Variants in ARHGAP32 observed in about 807,000 individuals in gnomAD.
The protein encoded by ARHGAP32 is rho GTPase-activating protein 32.
A neutral mutation model predicts 186.5 loss-of-function variants in ARHGAP32; 51 were observed. That is an observed-to-expected ratio of 0.27 (90% CI 0.22 to 0.35). The LOEUF is 0.35. ARHGAP32 is among the 10% of genes least tolerant of loss of function. The pLI, the probability that ARHGAP32 is intolerant of heterozygous loss-of-function variation, is 1.00. For synonymous variants in ARHGAP32, 950 were observed against 964.3 expected (o/e 0.99, Z 0.27); for missense variants, 2,186 against 2,623.5 (o/e 0.83, Z 3.64).
Position 129,123,740 on chromosome 11 carries a change from T to TA in ARHGAP32, c.359+147dup, listed in dbSNP as rs1204484489. The TA allele has an allele frequency of 1.2e-5, 9 of 747,818 alleles. No individual in the cohort carries two copies. The highest frequency in any genetic ancestry group is 1.1e-4 in the African/African-American group (6 of 55,940). The allele number at this position is 747,818 out of a possible 1,614,324, so 46.3% of individuals were successfully genotyped here. A position where few individuals can be genotyped will look rare whatever the true frequency, so the allele number is the denominator to read the frequency against. On this transcript the variant is annotated intron_variant, in intron 4 of 22. Transcript: ENST00000682385. This position sits in a 1 kb window ranked among gnomAD's most constrained non-coding sequence, Gnocchi z 4.6. ...TTAGTGTACAGATCAAAACCCAAAA[T>TA]AAAAAAAGCATCACCGTTATCTCCT... is the stretch of plus-strand genomic sequence containing the variant.
intron 1 of ARHGAP32, among the ~76,000 whole-genome samples, chr11:129,263,254 G>A (rs1344508786): frequency 6.6e-6 from 1 of 152,094 alleles, no homozygotes; most frequent in Non-Finnish European, 1.5e-5. Context: ...ATATTAAAAT[G>A]TTTGTATATC....
At chr11:129,216,317 T>C (rs968871569) in intron 1 of ARHGAP32, among the ~76,000 whole-genome samples, 2 of 152,100 alleles carry the variant, frequency 1.3e-5, no homozygotes, top group African/African-American at 4.8e-5. Flanking sequence ...CTTTGAAAAA[T>C]ATATTTTGAT....
At chr11:129,248,708 C>T (rs1183014699) in intron 1 of ARHGAP32, among the ~76,000 whole-genome samples, 1 of 152,192 alleles carries the variant, frequency 6.6e-6, no homozygotes, top group Non-Finnish European at 1.5e-5. Flanking sequence ...TTCTCATATA[C>T]TTCCAAAAAC....
chr11:129,174,931 A>T (rs1396521126), intron 1 of ARHGAP32, among the ~76,000 whole-genome samples: 1 of 146,552 alleles, frequency 6.8e-6, no homozygotes, highest in Non-Finnish European at 1.5e-5. Flanking sequence ...AACGGAACAA[A>T]GCTGGATGGA....
chr11:129,185,344 T>G (rs1454500541), intron 1 of ARHGAP32, among the ~76,000 whole-genome samples: 2 of 151,900 alleles, frequency 1.3e-5, no homozygotes, highest in African/African-American at 2.4e-5. Flanking sequence ...CAGCAAACTA[T>G]CACAAGGACA....
At chr11:129,085,413 C>T (rs890502982) in intron 6 of ARHGAP32, among the ~76,000 whole-genome samples, 1 of 151,988 alleles carries the variant, frequency 6.6e-6, no homozygotes, top group African/African-American at 2.4e-5. Context: ...ACAAAATACA[C>T]CTAACAGCTA....
In ARHGAP32 at chr11:129,083,428, G is replaced by A. The variant is rs1264524224; in HGVS notation, c.531+10193C>T. Among the ~76,000 whole-genome samples, 3 of 152,286 alleles carry A rather than the reference G, an allele frequency of 2.0e-5. No homozygotes were observed. The East Asian group carries it at 5.8e-4, about 29-fold the overall frequency. On this transcript the variant is annotated intron_variant, in intron 6 of 22. Transcript: ENST00000682385. The stretch of plus-strand genomic sequence containing the variant: ...AAAATAATGGCATTCACAGCAACCT[G>A]GATGGAGTTGAAGACCATTATTCTA...
chr11:128,969,853 T>C lies in ARHGAP32; in HGVS notation c.5360A>G (p.Tyr1787Cys), dbSNP rs1565344554. Residue 1787 changes from tyrosine to cysteine, a missense_variant, in exon 23 of 23, where the codon TAT becomes TGT. Around this residue, in one of 5 missense-constraint regions of ARHGAP32, gnomAD observed 1,502 missense variants for 1,570.0 expected, o/e 0.96. Coordinates refer to ENST00000682385, the MANE Select transcript of ARHGAP32 (RefSeq NM_001378024.1). This position sits in a 1 kb window ranked among gnomAD's most constrained non-coding sequence, Gnocchi z 4.8. ...CTGCACCGCCGGGGTCATGTTATCA[T>C]ATTGGGACATGACAGGCCCTTTCAC... is the stretch of plus-strand genomic sequence containing the variant. Reference protein sequence around the residue: ...QKVKGPVMSQYDNMTPAVQDD... With the variant: ...QKVKGPVMSQCDNMTPAVQDD... The C allele has an allele frequency of 6.2e-7, 1 of 1,614,192 alleles. No homozygotes were observed. Among genetic ancestry groups the C allele is most frequent in the Non-Finnish European group, 8.5e-7 (1 of 1,180,040 alleles).
At chr11:129,079,067 A>T (rs1941141174) in intron 6 of ARHGAP32, among the ~76,000 whole-genome samples, 1 of 151,960 alleles carries the variant, frequency 6.6e-6, no homozygotes, top group Non-Finnish European at 1.5e-5. Context: ...AAGACAAAGG[A>T]AAAAAAATTA....
chr11:129,070,110 G>T (rs1438632265), intron 6 of ARHGAP32, among the ~76,000 whole-genome samples: 1 of 152,024 alleles, frequency 6.6e-6, no homozygotes, highest in Non-Finnish European at 1.5e-5. Flanking sequence ...AATTGAGAAT[G>T]CAAGATCTGA....
chr11:128,991,717 CTGATTTACTT>C (rs1335918000), intron 12 of ARHGAP32, among the ~76,000 whole-genome samples: 1 of 152,144 alleles, frequency 6.6e-6, no homozygotes, highest in Non-Finnish European at 1.5e-5. Context: ...TAATACACTT[CTGATTTACTT>C]TGATTTTACA....
intron 2 of ARHGAP32, among the ~76,000 whole-genome samples, chr11:129,161,742 T>C (rs1943534411): frequency 6.6e-6 from 1 of 152,186 alleles, no homozygotes; most frequent in South Asian, 2.1e-4. Flanking sequence ...GTGCGGCGAT[T>C]CCTCAAGGAT....
In ARHGAP32 at chr11:128,988,109, T is replaced by C. The variant is rs1347647414; in HGVS notation, c.1212A>G (p.Gln404=). 6.2e-7 allele frequency: 1 copy of C among 1,612,496 alleles called. No homozygotes were observed. Reference sequence around the variant, plus strand: ...ATCTCTCAATGAATGCTGTGCAGCTTTGAAGAACCTGCGGCACTAAAGAGA... The same window carrying C: ...ATCTCTCAATGAATGCTGTGCAGCTCTGAAGAACCTGCGGCACTAAAGAGA... ...NSGFEVPQVL[Q]SCTAFIERYG... Residue 404 remains glutamine (Q), a synonymous_variant, in exon 13 of 23, where the codon CAA becomes CAG. Coordinates refer to ENST00000682385, the MANE Select transcript of ARHGAP32 (RefSeq NM_001378024.1).
intron 1 of ARHGAP32, among the ~76,000 whole-genome samples, chr11:129,210,814 G>T (rs757740643): frequency 3.5e-4 from 54 of 152,206 alleles, no homozygotes; most frequent in Non-Finnish European, 3.7e-4. Context: ...AGTAAATGGG[G>T]TATGATGTTA....
In ARHGAP32 at chr11:129,066,616, A is replaced by G. The variant is rs891214847; in HGVS notation, c.669+115T>C. On this transcript the variant is annotated intron_variant, in intron 7 of 22. Coordinates refer to ENST00000682385, the MANE Select transcript of ARHGAP32 (RefSeq NM_001378024.1). ...CTTTTCAGTTATGAAACAGGCAAGT[A>G]GTCCCAGGAATCACCCTGCGTGTTC... The G allele has an allele frequency of 2.3e-5, 20 of 876,034 alleles. No individual in the cohort carries two copies. The East Asian group carries it at 5.0e-4, about 22-fold the overall frequency. 54.3% of individuals were successfully genotyped at this position (876,034 alleles called of 1,614,324 possible).
intron 15 of ARHGAP32, 131 bp from the exon 16 acceptor site, chr11:128,982,067 T>C: frequency 2.0e-6 from 1 of 512,600 alleles, no homozygotes; most frequent in East Asian, 3.3e-5. Flanking sequence ...CCAAGAGAAC[T>C]TTTTTTTCCT....
At chr11:129,102,583 T>A (rs915109813) in intron 5 of ARHGAP32, among the ~76,000 whole-genome samples, 5 of 152,148 alleles carry the variant, frequency 3.3e-5, no homozygotes, top group Admixed American at 1.3e-4. Context: ...TAAGAAGATA[T>A]ACAAATGACC....
chr11:129,174,453 GC>G (rs1430464591), intron 1 of ARHGAP32, among the ~76,000 whole-genome samples: 4 of 152,192 alleles, frequency 2.6e-5, no homozygotes, highest in Admixed American at 1.3e-4. Flanking sequence ...GCTCAAGGAG[GC>G]CTGCCTGCCT....
Position 128,986,104 on chromosome 11 carries a change from A to T in ARHGAP32, c.1444-19T>A. 6.4e-7 allele frequency: 1 copy of T among 1,570,838 alleles called. No individual in the cohort carries two copies. Among genetic ancestry groups the T allele is most frequent in the Non-Finnish European group, 8.7e-7 (1 of 1,152,362 alleles). On this transcript the variant is annotated intron_variant, in intron 14 of 22. Coordinates refer to ENST00000682385, the MANE Select transcript of ARHGAP32 (RefSeq NM_001378024.1). ...CTGCATCCTAGAAGAGTCACAGTAC[A>T]AAATAAACTAGTGAGCTCTGTTAGT...
Sources: gnomAD v4.1 joint callset for allele counts (sites outside exome capture counted in the v4.1 genomes callset) on GRCh38, gnomAD v4.1.1 for gene constraint, gnomAD v4.1.1 regional missense constraint, Gnocchi (gnomAD v3.1) non-coding constraint, MANE v1.5 for transcripts, NCBI Gene and HGNC (gene_info 2026-07-23, HGNC 2026-07-21) for gene names.